RNF126: variants seen among roughly 807,000 people sequenced by gnomAD.
RNF126 encodes ring finger protein 126.
In RNF126, 20 loss-of-function variants were observed where a neutral mutation model predicts 41.9. The observed-to-expected ratio is 0.48, with a 90% CI of 0.34 to 0.69. RNF126 has a LOEUF of 0.69. RNF126 is among the 30% of genes least tolerant of loss of function. The pLI is 0.01. For synonymous variants in RNF126, 239 were observed against 202.9 expected, an observed-to-expected ratio of 1.18 and a Z score of -1.51; for missense variants, 433 against 460.6, an observed-to-expected ratio of 0.94 and a Z score of 0.55.
intron 1 of RNF126, among the ~76,000 whole-genome samples, chr19:657,597 T>C (rs1237217472): frequency 6.6e-6 from 1 of 152,144 alleles, no homozygotes; most frequent in African/African-American, 2.4e-5. Context: ...GTTTCAAAGG[T>C]CACCTCTCTG....
chr19:662,583 G>T (rs538991722), intron 1 of RNF126, among the ~76,000 whole-genome samples: 1 of 152,218 alleles, frequency 6.6e-6, no homozygotes, highest in Admixed American at 6.5e-5. Flanking sequence ...GCTCGGCGGG[G>T]GTCCCCTGGC....
intron 1 of RNF126, among the ~76,000 whole-genome samples, chr19:660,083 G>C (rs1218982856): frequency 6.6e-6 from 1 of 152,210 alleles, no homozygotes; most frequent in Admixed American, 6.5e-5. Flanking sequence ...GCCTTTCATG[G>C]GGGCAACTGC....
At chr19:649,305 T>G in intron 6 of RNF126, 1 of 310,188 alleles carries the variant, frequency 3.2e-6, no homozygotes, top group South Asian at 8.5e-5. Context: ...GAGGGTCGGG[T>G]CCTGCCAGTG....
chr19:652,346 C>T lies in RNF126; in HGVS notation c.135-50G>A, dbSNP rs371414624. The T allele has an allele frequency of 1.8e-4, 266 of 1,447,732 alleles. 1 individual carries two copies. Among genetic ancestry groups the T allele is most frequent in the Admixed American group, 7.3e-4 (30 of 41,022 alleles). 89.7% of individuals were successfully genotyped at this position (1,447,732 alleles called of 1,614,324 possible). A position where few individuals can be genotyped will look rare whatever the true frequency, so the allele number is the denominator to read the frequency against. ...GTGCCGGCTACCCTGTGCCCCCATG[C>T]GCCAGGCGCTCCCTCCCCTCAAAAG... is the stretch of plus-strand genomic sequence containing the variant. On this transcript the variant is annotated intron_variant, in intron 2 of 8. Coordinates refer to ENST00000292363, the MANE Select transcript of RNF126 (RefSeq NM_194460.3).
chr19:648,364 G>GGGGGGGGGGGCCCCCCCCCCCCC lies in RNF126; in HGVS notation c.786+7_786+8insGGGGGGGGGGGGGCCCCCCCCCC. The GGGGGGGGGGGCCCCCCCCCCCCC allele has an allele frequency of 2.0e-6, 1 of 510,494 alleles. No homozygotes were observed. Among genetic ancestry groups the GGGGGGGGGGGCCCCCCCCCCCCC allele is most frequent in the Non-Finnish European group, 3.6e-6 (1 of 278,364 alleles). 31.6% of individuals were successfully genotyped at this position (510,494 alleles called of 1,614,324 possible). A position where few individuals can be genotyped will look rare whatever the true frequency, so the allele number is the denominator to read the frequency against. Reference sequence around the variant, plus strand: ...CGGGGTGGGGGGGCGGGTGGGCGGGGCACTCACCTGCTCCAGCCAGGGCAC... The same window carrying GGGGGGGGGGGCCCCCCCCCCCCC: ...CGGGGTGGGGGGGCGGGTGGGCGGGGGGGGGGGGGGCCCCCCCCCCCCCCACTCACCTGCTCCAGCCAGGGCAC... On this transcript the variant is annotated splice_region_variant and intron_variant, in intron 8 of 8. Coordinates refer to ENST00000292363, the MANE Select transcript of RNF126 (RefSeq NM_194460.3).
rs908981721 is a variant in RNF126 at position 656,596 on chromosome 19, C to T, written c.76-3712G>A. On this transcript the variant is annotated intron_variant, in intron 1 of 8. Transcript: ENST00000292363. ...CCGGCAGGCAGAGGTTGCAGTGAGC[C>T]GAGATCATACCACTGCACTCCAGCC... Among the ~76,000 whole-genome samples the T allele has an allele frequency of 7.2e-4, 109 of 151,906 alleles. 1 individual carries two copies. The highest frequency in any genetic ancestry group is 2.5e-3 in the African/African-American group (103 of 41,338).
chr19:647,733 C>T lies in RNF126; in HGVS notation c.*395G>A, dbSNP rs866225037. ...GGCGGCACCTGCAGCACTGGGGGAG[C>T]CGCTGAACCCCGTGCTTCAGCGCTG... On this transcript the variant is annotated 3_prime_UTR_variant, in exon 9 of 9. Transcript: ENST00000292363. 1.8e-5 allele frequency: 5 copies of T among 280,780 alleles called. No homozygotes were observed. Among genetic ancestry groups the T allele is most frequent in the Middle Eastern group, 1.4e-3 (1 of 732 alleles). 17.4% of individuals were successfully genotyped at this position (280,780 alleles called of 1,614,324 possible).
intron 4 of RNF126, among the ~76,000 whole-genome samples, chr19:650,782 G>A (rs1044922916): frequency 5.9e-5 from 9 of 151,930 alleles, no homozygotes; most frequent in South Asian, 4.1e-4. Flanking sequence ...TAGTAGAGAC[G>A]GAGTTTCATC....
chr19:659,504 G>A lies in RNF126; in HGVS notation c.75+3543C>T, dbSNP rs377756864. Among the ~76,000 whole-genome samples, 54 of 152,252 alleles carry A rather than the reference G, an allele frequency of 3.5e-4. No homozygotes were observed. Among genetic ancestry groups the A allele is most frequent in the East Asian group, 1.7e-3 (9 of 5,178 alleles). Reference sequence around the variant, plus strand: ...ACCACCCTAGGAACCACCCAGAGACGGGGAGGTCAGGGGCAAGGACGGCAC... The same window carrying A: ...ACCACCCTAGGAACCACCCAGAGACAGGGAGGTCAGGGGCAAGGACGGCAC... On this transcript the variant is annotated intron_variant, in intron 1 of 8. Transcript: ENST00000292363. This position sits in a 1 kb window ranked among gnomAD's most constrained non-coding sequence, Gnocchi z 4.9.
Position 649,622 on chromosome 19 carries a change from G to A in RNF126, c.576+57C>T, listed in dbSNP as rs544344734. 14 of 1,411,844 alleles carry A rather than the reference G, an allele frequency of 9.9e-6. 1 individual carries two copies. The South Asian group carries it at 1.7e-4, about 17-fold the overall frequency. The allele number at this position is 1,411,844 out of a possible 1,614,324, so 87.5% of individuals were successfully genotyped here. On this transcript the variant is annotated intron_variant, in intron 6 of 8. Coordinates refer to ENST00000292363, the MANE Select transcript of RNF126 (RefSeq NM_194460.3). ...GGTCCAGGCAGTGGGGCAGCTCCCA[G>A]GGGTGGGCAGCCCAGCCCTCCCCCA...
intron 1 of RNF126, among the ~76,000 whole-genome samples, chr19:655,356 C>T (rs1021862135): frequency 6.6e-6 from 1 of 151,618 alleles, no homozygotes; most frequent in Non-Finnish European, 1.5e-5. Flanking sequence ...AAACAGACAA[C>T]GCAACTAAAA....
rs952129857 is a variant in RNF126, at chr19:659,626, C to G, written c.75+3421G>C. 1.3e-5 allele frequency among the ~76,000 whole-genome samples: 2 copies of G among 152,212 alleles called. No homozygotes were observed. Reference sequence around the variant, plus strand: ...ACAGTCACAGCTCCAGTCAGTGCCTCCTCAGCAGGCTCGAGTCTGGGTCTG... The same window carrying G: ...ACAGTCACAGCTCCAGTCAGTGCCTGCTCAGCAGGCTCGAGTCTGGGTCTG... On this transcript the variant is annotated intron_variant, in intron 1 of 8. Transcript: ENST00000292363. The surrounding 1 kb of genome is among the most constrained non-coding windows in gnomAD (Gnocchi z 4.9).
intron 1 of RNF126, among the ~76,000 whole-genome samples, chr19:653,171 G>A (rs553449839): frequency 1.3e-4 from 20 of 150,014 alleles, no homozygotes; most frequent in East Asian, 5.8e-4. Flanking sequence ...GAGCCCCTCC[G>A]ACCTGCCCCA....
At position 652,839 on chromosome 19, in the gene RNF126, G is replaced by A. The variant is rs1315805651; in HGVS notation, c.121C>T (p.Pro41Ser). 7 of 1,613,164 alleles carry A rather than the reference G, an allele frequency of 4.3e-6. No individual in the cohort carries two copies. Among genetic ancestry groups the A allele is most frequent in the Non-Finnish European group, 5.9e-6 (7 of 1,179,726 alleles). Residue 41 changes from proline to serine, a missense_variant, in exon 2 of 9, where the codon CCG becomes TCG. By Grantham distance (74) the Pro-to-Ser change is moderately conservative. Around this residue, in one of 5 missense-constraint regions of RNF126, gnomAD observed 247 missense variants for 224.7 expected, o/e 1.10. Coordinates refer to ENST00000292363, the MANE Select transcript of RNF126 (RefSeq NM_194460.3). Reference protein sequence around the residue: ...RCESGFIEELPEETRSTENGS... With the variant: ...RCESGFIEELSEETRSTENGS... ...GGGCTGCATTACCTGGTCTCTTCCGGAAGCTCCTCGATAAAACCAGACTCG... is the reference window on the plus strand; with the variant it reads ...GGGCTGCATTACCTGGTCTCTTCCGAAAGCTCCTCGATAAAACCAGACTCG...
Position 648,468 on chromosome 19 carries a change from A to G in RNF126, c.690T>C (p.Pro230=), listed in dbSNP as rs771421574. 8 of 1,581,086 alleles carry G rather than the reference A, an allele frequency of 5.1e-6. No individual in the cohort carries two copies. The highest frequency in any genetic ancestry group is 2.6e-6 in the Non-Finnish European group (3 of 1,167,432). The change falls in exon 8 of 9, where the codon CCT becomes CCC. Residue 230 remains proline (P), a synonymous_variant. Coordinates refer to ENST00000292363, the MANE Select transcript of RNF126 (RefSeq NM_194460.3). The part of the protein sequence containing the change: ...EEHVGSGLEC[P]VCKDDYALGE... ...CCAGCGCGTAGTCGTCCTTGCACAC[A>G]GGGCACTCGAGCCCGGAGCCTGCGG...
intron 7 of RNF126, 68 bp from the exon 8 acceptor site, chr19:648,555 C>A (rs1037818004): frequency 3.2e-5 from 41 of 1,283,674 alleles, no homozygotes; most frequent in Admixed American, 2.0e-5. Flanking sequence ...GGGCAGGCTA[C>A]TCCACAGCCT....
chr19:649,471 A>G (rs2030165289), intron 6 of RNF126: 1 of 577,188 alleles, frequency 1.7e-6, no homozygotes, highest in Admixed American at 3.0e-5. Context: ...TTCCGCGTGA[A>G]CACAGGAGAA....
At chr19:648,814 C>A in intron 7 of RNF126, 68 bp downstream of exon 7, 1 of 945,890 alleles carries the variant, frequency 1.1e-6, no homozygotes, top group Non-Finnish European at 1.5e-6. Flanking sequence ...ACTGAAAATA[C>A]AAGTATGAGC....
chr19:659,401 C>T lies in RNF126; in HGVS notation c.75+3646G>A, dbSNP rs942005319. 2.0e-5 allele frequency among the ~76,000 whole-genome samples: 3 copies of T among 152,298 alleles called. No individual in the cohort carries two copies. The highest frequency in any genetic ancestry group is 3.4e-3 in the Middle Eastern group (1 of 294). On this transcript the variant is annotated intron_variant, in intron 1 of 8. Transcript: ENST00000292363. The surrounding 1 kb of genome is among the most constrained non-coding windows in gnomAD (Gnocchi z 4.9). ...TGGGCGGCAGGGCCCAGCACCCCCA[C>T]CGTCCTCTCACCGCCACTTGGGGAC...
Sources: allele counts gnomAD v4.1 joint callset (sites outside exome capture counted in the v4.1 genomes callset), GRCh38; gene constraint gnomAD v4.1.1; regional missense constraint gnomAD v4.1.1; non-coding constraint Gnocchi (gnomAD v3.1); transcripts MANE v1.5; gene names NCBI Gene and HGNC (gene_info 2026-07-23, HGNC 2026-07-21).